CDH10: variants seen among roughly 807,000 people sequenced by gnomAD.
CDH10 encodes the protein cadherin 10.
A neutral mutation model predicts 73.1 loss-of-function variants in CDH10; 30 were observed. The ratio of observed to expected loss-of-function variants is 0.41; its 90% confidence interval spans 0.31 to 0.56. CDH10 has a LOEUF of 0.56. CDH10 is among the 20% of genes least tolerant of loss of function. CDH10 has a pLI of 0.27. For synonymous variants in CDH10, 345 were observed against 348.2 expected, an observed-to-expected ratio of 0.99 and a Z score of 0.10; for missense variants, 815 against 973.7, an observed-to-expected ratio of 0.84 and a Z score of 2.17.
chr5:24,623,415 A>G (rs1006881999), intron 1 of CDH10, among the ~76,000 whole-genome samples: 3 of 152,232 alleles, frequency 2.0e-5, no homozygotes, highest in African/African-American at 7.2e-5. Flanking sequence ...TGTAAACCGC[A>G]TAACAAATTT....
chr5:24,638,584 A>T (rs1321175681), intron 1 of CDH10, among the ~76,000 whole-genome samples: 1 of 151,842 alleles, frequency 6.6e-6, no homozygotes, highest in Non-Finnish European at 1.5e-5. Context: ...GTTTCTACTC[A>T]TGGAGAAATA....
chr5:24,643,446 G>A (rs1189934602), intron 1 of CDH10, among the ~76,000 whole-genome samples: 1 of 151,996 alleles, frequency 6.6e-6, no homozygotes, highest in Non-Finnish European at 1.5e-5. Context: ...ATGGTATGGA[G>A]GGAGAAAGTC....
chr5:24,557,448 GA>G (rs572210077), intron 2 of CDH10, among the ~76,000 whole-genome samples: 20 of 150,938 alleles, frequency 1.3e-4, no homozygotes, highest in Admixed American at 7.9e-4. Flanking sequence ...ATTGCTGACT[GA>G]AAAAAAACTC....
intron 5 of CDH10, among the ~76,000 whole-genome samples, chr5:24,527,680 A>T (rs568277662): frequency 6.6e-6 from 1 of 152,084 alleles, no homozygotes; most frequent in East Asian, 1.9e-4. Flanking sequence ...AGCTAAACAC[A>T]GTAAAAAATA....
intron 5 of CDH10, among the ~76,000 whole-genome samples, chr5:24,515,392 A>T (rs867875354): frequency 6.6e-6 from 1 of 152,186 alleles, no homozygotes. Flanking sequence ...ATAACTCATG[A>T]GAATGGTATT....
chr5:24,491,688 A>G lies in CDH10; in HGVS notation c.1764T>C (p.Ala588=). 2 of 1,614,006 alleles carry G rather than the reference A, an allele frequency of 1.2e-6. No individual in the cohort carries two copies. The highest frequency in any genetic ancestry group is 1.7e-6 in the Non-Finnish European group (2 of 1,179,888). The change falls in exon 11 of 12, where the codon GCT becomes GCC. Residue 588 remains alanine (A), a synonymous_variant. Coordinates refer to ENST00000264463, the MANE Select transcript of CDH10 (RefSeq NM_006727.5). Reference sequence around the variant, plus strand: ...ATTGCATGTTGCCTTGGCTGTCACAAGCACACACTCGAATGGTCAGTGTGC... The same window carrying G: ...ATTGCATGTTGCCTTGGCTGTCACAGGCACACACTCGAATGGTCAGTGTGC... ...STGTLTIRVC[A]CDSQGNMQSC...
intron 1 of CDH10, among the ~76,000 whole-genome samples, chr5:24,625,372 T>C (rs1186238165): frequency 1.3e-5 from 2 of 151,638 alleles, no homozygotes; most frequent in East Asian, 1.9e-4. Context: ...ATAGCAAGAG[T>C]AGATGTGGAG....
At position 24,487,958 on chromosome 5, in the gene CDH10, A is replaced by T. The variant is rs973320967; in HGVS notation, c.2072T>A (p.Ile691Asn). ...IEEKKLRRDI[I>N]PETLFIPRRT... ...CCGAGGAATAAATAACGTTTCTGGAATAATATCTCGCCGGAGCTTTTTTTC... is the reference window on the plus strand; with the variant it reads ...CCGAGGAATAAATAACGTTTCTGGATTAATATCTCGCCGGAGCTTTTTTTC... The change falls in exon 12 of 12, where the codon ATT becomes AAT. Residue 691 changes from isoleucine (I) to asparagine (N), a missense_variant. Physicochemically the swap from Ile to Asn is moderately radical, Grantham distance 149. Transcript: ENST00000264463. The T allele has an allele frequency of 1.9e-6, 3 of 1,613,992 alleles. No homozygotes were observed. The highest frequency in any genetic ancestry group is 1.7e-6 in the Non-Finnish European group (2 of 1,179,980).
chr5:24,543,984 G>A (rs1184729691), intron 2 of CDH10, among the ~76,000 whole-genome samples: 7 of 152,042 alleles, frequency 4.6e-5, no homozygotes, highest in African/African-American at 7.2e-5. Flanking sequence ...CATGAATCTC[G>A]ATAAAACAAT....
intron 1 of CDH10, among the ~76,000 whole-genome samples, chr5:24,622,556 C>A (rs540169201): frequency 6.6e-6 from 1 of 152,270 alleles, no homozygotes; most frequent in Non-Finnish European, 1.5e-5. Context: ...GATTACCATT[C>A]TAAAGCCCAG....
At chr5:24,635,645 T>C (rs1747844107) in intron 1 of CDH10, among the ~76,000 whole-genome samples, 2 of 151,968 alleles carry the variant, frequency 1.3e-5, no homozygotes, top group Non-Finnish European at 2.9e-5. Flanking sequence ...ATTCCCTAGT[T>C]CATGCAATGC....
At chr5:24,613,812 G>T (rs564464218) in intron 1 of CDH10, among the ~76,000 whole-genome samples, 1 of 151,878 alleles carries the variant, frequency 6.6e-6, no homozygotes, top group Admixed American at 6.6e-5. Context: ...GGTATTTATT[G>T]CTCCCTTACC....
At chr5:24,503,101 G>A (rs147261473) in intron 8 of CDH10, among the ~76,000 whole-genome samples, 66 of 152,274 alleles carry the variant, frequency 4.3e-4, no homozygotes, top group African/African-American at 1.4e-3. Context: ...GAAGCTTTTA[G>A]TTCATTGCTG....
At chr5:24,491,047 A>G (rs997023940) in intron 11 of CDH10, among the ~76,000 whole-genome samples, 1 of 152,176 alleles carries the variant, frequency 6.6e-6, no homozygotes, top group Admixed American at 6.5e-5. Flanking sequence ...CAGAAGAACC[A>G]TTGCCCCAGA....
rs1447900607 is a variant in CDH10, at chr5:24,487,850, G to A, written c.2180C>T (p.Ala727Val). The part of the protein sequence containing the change: ...RLKEHDLDPT[A>V]PPYDSLATYA... ...GGTTGCAAGTGAGTCGTAGGGGGGT[G>A]CGGTGGGGTCAAGATCATGCTCTTT... The change falls in exon 12 of 12, where the codon GCA (alanine) becomes GTA (valine). Residue 727 changes from alanine to valine, a missense_variant. Ala to Val is a moderately conservative substitution (Grantham distance 64). Around this residue, in one of 3 missense-constraint regions of CDH10, gnomAD observed 241 missense variants for 240.3 expected, o/e 1.00. Coordinates refer to ENST00000264463, the MANE Select transcript of CDH10 (RefSeq NM_006727.5). 2.5e-6 allele frequency: 4 copies of A among 1,613,908 alleles called. No homozygotes were observed. In the Admixed American group the frequency reaches 5.0e-5, roughly 20 times the overall value.
chr5:24,570,228 A>G (rs1047127712), intron 2 of CDH10, among the ~76,000 whole-genome samples: 8 of 152,184 alleles, frequency 5.3e-5, no homozygotes, highest in African/African-American at 1.9e-4. Context: ...AACTGAAACA[A>G]TAAGTTAAAG....
chr5:24,513,364 C>T (rs1742991139), intron 5 of CDH10, among the ~76,000 whole-genome samples: 1 of 152,044 alleles, frequency 6.6e-6, no homozygotes, highest in Non-Finnish European at 1.5e-5. Flanking sequence ...ATTCCTTCCC[C>T]TTATCCTCAT....
chr5:24,498,597 G>GCAC, intron 8 of CDH10, 78 bp from the exon 9 acceptor site: 1 of 908,820 alleles, frequency 1.1e-6, no homozygotes, highest in Non-Finnish European at 1.8e-6. Context: ...CATCTTGTGG[G>GCAC]TATGAAGTGC....
intron 1 of CDH10, among the ~76,000 whole-genome samples, chr5:24,636,656 CT>C (rs1362137352): frequency 2.0e-5 from 3 of 151,806 alleles, no homozygotes; most frequent in African/African-American, 7.3e-5. Context: ...ACATGTACCC[CT>C]GAACCTAAAA....
Sources: allele counts gnomAD v4.1 joint callset (sites outside exome capture counted in the v4.1 genomes callset), GRCh38; gene constraint gnomAD v4.1.1; regional missense constraint gnomAD v4.1.1; transcripts MANE v1.5; gene names NCBI Gene and HGNC (gene_info 2026-07-23, HGNC 2026-07-21).